The following DOCK3 variants were observed in gnomAD, a reference collection of about 807,000 sequenced individuals.
DOCK3 encodes the protein dedicator of cytokinesis protein 3.
In DOCK3, 60 loss-of-function variants were observed where a neutral mutation model predicts 265.6. The ratio of observed to expected loss-of-function variants is 0.23; its 90% CI spans 0.18 to 0.28. DOCK3 has a LOEUF of 0.28. Ranked by LOEUF, DOCK3 falls within the 10% of genes least tolerant of loss-of-function variation. The pLI is 1.00. For synonymous variants in DOCK3, 881 were observed against 938.0 expected (o/e 0.94, Z 1.11); for missense variants, 1,981 against 2,594.3 (o/e 0.76, Z 5.14).
intron 7 of DOCK3, among the ~76,000 whole-genome samples, chr3:51,079,353 G>A (rs2109415328): frequency 6.6e-6 from 1 of 152,118 alleles, no homozygotes; most frequent in Admixed American, 6.6e-5. Flanking sequence ...TTTGTTTTGA[G>A]ACAGAGTCTG....
chr3:50,965,888 A>G (rs2077014702), intron 5 of DOCK3, among the ~76,000 whole-genome samples: 1 of 152,208 alleles, frequency 6.6e-6, no homozygotes, highest in Non-Finnish European at 1.5e-5. Context: ...CATAATGATT[A>G]TCACATTTGT....
chr3:50,821,973 T>C (rs1380520141), intron 2 of DOCK3, among the ~76,000 whole-genome samples: 3 of 152,236 alleles, frequency 2.0e-5, no homozygotes, highest in African/African-American at 7.2e-5. Context: ...TGCTTAGGAT[T>C]GCTTTGCTAT....
At position 51,228,227 on chromosome 3, in the gene DOCK3, C is replaced by T. The variant is rs533230384; in HGVS notation, c.1647+139C>T. On this transcript the variant is annotated intron_variant, in intron 17 of 52. Transcript: ENST00000266037. ...GCACTGGTGGGTGACAGTGGGACAT[C>T]TGTGGGCAGGCTTCTGTCTTCTAAG... 7.8e-5 allele frequency: 62 copies of T among 793,372 alleles called. 2 individuals carry two copies. The South Asian group carries it at 1.0e-3, about 13-fold the overall frequency. The allele number at this position is 793,372 out of a possible 1,614,324, so 49.1% of individuals were successfully genotyped here. A position where few individuals can be genotyped will look rare whatever the true frequency, so the allele number is the denominator to read the frequency against.
In DOCK3 at chr3:50,959,065, T is replaced by C. The variant is rs375021745; in HGVS notation, c.315+24988T>C. Among the ~76,000 whole-genome samples, 233 of 152,356 alleles carry C rather than the reference T, an allele frequency of 1.5e-3. 2 individuals carry two copies. The highest frequency in any genetic ancestry group is 7.9e-3 in the East Asian group (41 of 5,186). On this transcript the variant is annotated intron_variant, in intron 5 of 52. Coordinates refer to ENST00000266037, the MANE Select transcript of DOCK3 (RefSeq NM_004947.5). ...GATCTGTCATTCCCATTTGCCGTCA[T>C]TCCTCACTTTTGCCACATTTCAAAC...
chr3:50,911,549 G>T (rs1229400728), intron 4 of DOCK3, among the ~76,000 whole-genome samples: 1 of 151,948 alleles, frequency 6.6e-6, no homozygotes, highest in Non-Finnish European at 1.5e-5. Context: ...TGTTGTTTTG[G>T]TTACTGTGGC....
At chr3:51,046,365 A>G (rs1382981273) in intron 5 of DOCK3, among the ~76,000 whole-genome samples, 9 of 152,134 alleles carry the variant, frequency 5.9e-5, no homozygotes, top group African/African-American at 1.2e-4. Context: ...GCTTTAGGAG[A>G]CACATAGGCT....
intron 9 of DOCK3, among the ~76,000 whole-genome samples, chr3:51,094,442 A>T (rs2082748863): frequency 6.6e-6 from 1 of 151,858 alleles, no homozygotes. Context: ...ATATTTTCCT[A>T]GTTTATTTGT....
chr3:50,929,808 T>C (rs923246135), intron 4 of DOCK3, among the ~76,000 whole-genome samples: 2 of 152,242 alleles, frequency 1.3e-5, no homozygotes, highest in Admixed American at 1.3e-4. Context: ...AAGAACAATA[T>C]AAAATCTAGC....
At chr3:51,171,348 G>A (rs182235490) in intron 12 of DOCK3, among the ~76,000 whole-genome samples, 94 of 152,106 alleles carry the variant, frequency 6.2e-4, no homozygotes, top group Middle Eastern at 3.4e-3. Context: ...AGTTTTCCTC[G>A]TTACTGATGT....
chr3:51,025,430 C>T (rs1354146414), intron 5 of DOCK3, among the ~76,000 whole-genome samples: 2 of 152,140 alleles, frequency 1.3e-5, no homozygotes, highest in Admixed American at 6.5e-5. Context: ...GCTCTGGTGA[C>T]AGCACCTGGT....
At chr3:51,283,222 C>CT (rs1013920730) in intron 27 of DOCK3, among the ~76,000 whole-genome samples, 3 of 152,200 alleles carry the variant, frequency 2.0e-5, no homozygotes, top group African/African-American at 7.2e-5. Context: ...GTAGGAAAAG[C>CT]TGAGAGGCAC....
chr3:51,297,117 CAAAAAA>C (rs71633066), intron 27 of DOCK3, among the ~76,000 whole-genome samples: 1,520 of 65,894 alleles, frequency 0.023, 8 homozygotes, highest in Non-Finnish European at 0.032. Context: ...GACTCTGTCT[CAAAAAA>C]AAAAAAAAAA....
At chr3:50,823,064 T>C (rs1194641102) in intron 2 of DOCK3, among the ~76,000 whole-genome samples, 1 of 144,982 alleles carries the variant, frequency 6.9e-6, no homozygotes, top group Non-Finnish European at 1.5e-5. Flanking sequence ...CTTAACACTA[T>C]TACTTTTAAA....
chr3:51,193,793 G>A (rs1296681272), intron 12 of DOCK3, among the ~76,000 whole-genome samples: 1 of 124,868 alleles, frequency 8.0e-6, no homozygotes, highest in Non-Finnish European at 1.6e-5. Context: ...TTATTTGGGG[G>A]CTTCTCTCTT....
At chr3:50,994,329 T>G (rs1378213343) in intron 5 of DOCK3, among the ~76,000 whole-genome samples, 6 of 152,240 alleles carry the variant, frequency 3.9e-5, no homozygotes, top group Non-Finnish European at 5.9e-5. Flanking sequence ...ATATTCTCTT[T>G]TACTTCTCAC....
At chr3:50,770,104 A>G (rs538291537) in intron 1 of DOCK3, among the ~76,000 whole-genome samples, 41 of 152,284 alleles carry the variant, frequency 2.7e-4, no homozygotes, top group African/African-American at 9.6e-4. Context: ...TCCTAGATAG[A>G]GCAATCAGAC....
At chr3:50,949,324 A>C (rs894928373) in intron 5 of DOCK3, among the ~76,000 whole-genome samples, 2 of 152,194 alleles carry the variant, frequency 1.3e-5, no homozygotes, top group African/African-American at 4.8e-5. Context: ...AAAACAACCC[A>C]ACAAAAGAAG....
At chr3:51,078,747 A>C (rs1374704656) in intron 7 of DOCK3, among the ~76,000 whole-genome samples, 1 of 152,204 alleles carries the variant, frequency 6.6e-6, no homozygotes, top group African/African-American at 2.4e-5. Flanking sequence ...GAGTCTCAAA[A>C]CAACAATAAT....
At position 51,016,933 on chromosome 3, in the gene DOCK3, C is replaced by T. The variant is rs1455753792; in HGVS notation, c.316-47515C>T. ...TTATATATAAATATATTAATATATA[C>T]AATATATGTTATATATAATATATAT... On this transcript the variant is annotated intron_variant, in intron 5 of 52. Transcript: ENST00000266037. 1.6e-3 allele frequency among the ~76,000 whole-genome samples: 139 copies of T among 88,266 alleles called. 30 individuals are homozygous for T. The highest frequency in any genetic ancestry group is 5.4e-3 in the African/African-American group (110 of 20,408). 57.9% of individuals were successfully genotyped at this position (88,266 alleles called of 152,430 possible).
Sources: allele counts gnomAD v4.1 joint callset (sites outside exome capture counted in the v4.1 genomes callset), GRCh38; gene constraint gnomAD v4.1.1; transcripts MANE v1.5; gene names NCBI Gene and HGNC (gene_info 2026-07-23, HGNC 2026-07-21).